The following SAMD12 variants were observed in gnomAD, a reference collection of about 807,000 sequenced individuals.
SAMD12 encodes sterile alpha motif domain containing 12.
A neutral mutation model predicts 15.0 loss-of-function variants in SAMD12; 9 were observed. The ratio of observed to expected loss-of-function variants is 0.60; its 90% CI spans 0.36 to 1.05. The LOEUF is 1.05. Among genes scored for constraint, SAMD12 ranks in the 50% least tolerant of loss-of-function variants. SAMD12 has a pLI of 0.01. For synonymous variants in SAMD12, 86 were observed against 90.1 expected (o/e 0.96, Z 0.25); for missense variants, 230 against 234.2 (o/e 0.98, Z 0.12).
At chr8:118,510,022 G>C (rs959332231) in intron 2 of SAMD12, among the ~76,000 whole-genome samples, 2 of 152,120 alleles carry the variant, frequency 1.3e-5, no homozygotes, top group African/African-American at 4.8e-5. Flanking sequence ...AAAGTTATCT[G>C]TGCACACTAG....
chr8:118,361,525 G>A (rs1000367733), intron 4 of SAMD12, among the ~76,000 whole-genome samples: 1 of 152,146 alleles, frequency 6.6e-6, no homozygotes, highest in African/African-American at 2.4e-5. Flanking sequence ...GAAAGACTGA[G>A]TAGCACTTAA....
intron 2 of SAMD12, among the ~76,000 whole-genome samples, chr8:118,448,957 G>A (rs7826317): frequency 0.024 from 3,653 of 152,186 alleles, 128 homozygotes; most frequent in African/African-American, 0.083. Flanking sequence ...AATGTTTACC[G>A]AAAGTGTATC....
At chr8:118,321,579 A>G (rs1007387216) in intron 4 of SAMD12, among the ~76,000 whole-genome samples, 1 of 151,986 alleles carries the variant, frequency 6.6e-6, no homozygotes, top group Non-Finnish European at 1.5e-5. Flanking sequence ...ACACCACTGC[A>G]CTCTAGCATG....
intron 3 of SAMD12, among the ~76,000 whole-genome samples, chr8:118,382,959 A>C (rs1430139269): frequency 6.6e-6 from 1 of 152,154 alleles, no homozygotes; most frequent in Non-Finnish European, 1.5e-5. Context: ...GGTTCTGGAA[A>C]ATTTTTGTAA....
chr8:118,229,056 T>C (rs955098224), intron 4 of SAMD12, among the ~76,000 whole-genome samples: 3 of 152,134 alleles, frequency 2.0e-5, no homozygotes, highest in African/African-American at 4.8e-5. Context: ...ACATCGTATA[T>C]TCTCACTGAT....
chr8:118,360,158 C>T lies in SAMD12; in HGVS notation c.433+19402G>A, dbSNP rs551210891. On this transcript the variant is annotated intron_variant, in intron 4 of 4. Transcript: ENST00000409003. ...GGGACTTCTTCAACTCTTTCTCAAC[C>T]TTTTCCTTCTAAGACCAAGGCTTGA... Among the ~76,000 whole-genome samples the T allele has an allele frequency of 2.6e-5, 4 of 152,258 alleles. No homozygotes were observed. The South Asian group carries it at 8.3e-4, about 32-fold the overall frequency.
chr8:118,562,179 T>G (rs545632364), intron 2 of SAMD12, among the ~76,000 whole-genome samples: 2 of 152,320 alleles, frequency 1.3e-5, no homozygotes, highest in South Asian at 4.1e-4. Flanking sequence ...AGATATAACC[T>G]TTCCTCTGTT....
chr8:118,574,153 T>A (rs1460373441), intron 2 of SAMD12, among the ~76,000 whole-genome samples: 1 of 152,200 alleles, frequency 6.6e-6, no homozygotes, highest in Non-Finnish European at 1.5e-5. Flanking sequence ...GAGAACATTA[T>A]AGGCAGAAGG....
chr8:118,512,864 C>A (rs140629698), intron 2 of SAMD12, among the ~76,000 whole-genome samples: 12 of 152,270 alleles, frequency 7.9e-5, no homozygotes, highest in African/African-American at 2.9e-4. Flanking sequence ...TTCTCTGTGA[C>A]GCTTTTCCCA....
chr8:118,520,254 A>G (rs563563689), intron 2 of SAMD12, among the ~76,000 whole-genome samples: 4 of 152,320 alleles, frequency 2.6e-5, no homozygotes, highest in African/African-American at 9.6e-5. Context: ...ATATCTTTCC[A>G]TCTTCAAATT....
At chr8:118,489,734 T>C (rs1217974707) in intron 2 of SAMD12, among the ~76,000 whole-genome samples, 2 of 152,236 alleles carry the variant, frequency 1.3e-5, no homozygotes, top group Non-Finnish European at 2.9e-5. Flanking sequence ...TTTTAGCTCG[T>C]AATGTCCTTC....
At chr8:118,246,642 G>A (rs1226372680) in intron 4 of SAMD12, among the ~76,000 whole-genome samples, 1 of 152,058 alleles carries the variant, frequency 6.6e-6, no homozygotes, top group African/African-American at 2.4e-5. Flanking sequence ...ATCATTTCAA[G>A]GAGATATAAA....
intron 2 of SAMD12, among the ~76,000 whole-genome samples, chr8:118,517,022 A>G (rs2131081431): frequency 6.6e-6 from 1 of 152,312 alleles, no homozygotes; most frequent in South Asian, 2.1e-4. Context: ...CCATATTCCA[A>G]AACAGTTCTA....
At chr8:118,402,007 T>C (rs1820893277) in intron 3 of SAMD12, among the ~76,000 whole-genome samples, 1 of 152,228 alleles carries the variant, frequency 6.6e-6, no homozygotes, top group Non-Finnish European at 1.5e-5. Context: ...AAGCTTAATA[T>C]TCTGATTTAC....
At chr8:118,285,422 T>C (rs1813926569) in intron 4 of SAMD12, among the ~76,000 whole-genome samples, 2 of 152,254 alleles carry the variant, frequency 1.3e-5, no homozygotes, top group Non-Finnish European at 2.9e-5. Context: ...TGAAGCTTTG[T>C]TATATTTAAT....
chr8:118,550,115 T>C (rs942159528), intron 2 of SAMD12, among the ~76,000 whole-genome samples: 3 of 152,020 alleles, frequency 2.0e-5, no homozygotes, highest in Admixed American at 1.3e-4. Context: ...CAGGATATTA[T>C]CCAGGAGAGC....
At chr8:118,135,209 T>C in the SAMD12 span, among the ~76,000 whole-genome samples, 14 of 152,118 alleles carry the variant, frequency 9.2e-5, no homozygotes, top group Non-Finnish European at 2.1e-4. Context: ...TGAGACGGAG[T>C]CTTGCTCTAT....
At chr8:118,398,910 G>T (rs1820728320) in intron 3 of SAMD12, among the ~76,000 whole-genome samples, 1 of 152,056 alleles carries the variant, frequency 6.6e-6, no homozygotes, top group African/African-American at 2.4e-5. Context: ...TTGAGACAGG[G>T]TCTCACTCTG....
chr8:118,248,040 G>T (rs576502327), intron 4 of SAMD12, among the ~76,000 whole-genome samples: 2 of 152,026 alleles, frequency 1.3e-5, no homozygotes, highest in African/African-American at 2.4e-5. Context: ...CACAGATCCT[G>T]CTCTCAGAGT....
Sources: gnomAD v4.1 joint callset for allele counts (sites outside exome capture counted in the v4.1 genomes callset) on GRCh38, gnomAD v4.1.1 for gene constraint, MANE v1.5 for transcripts, NCBI Gene and HGNC (gene_info 2026-07-23, HGNC 2026-07-21) for gene names.